The following NDUFS7 variants were observed in gnomAD, a reference collection of about 807,000 sequenced individuals.
NDUFS7 encodes NADH dehydrogenase [ubiquinone] iron-sulfur protein 7, mitochondrial.
NDUFS7 carries 11 observed loss-of-function variants against 31.1 expected under a neutral mutation model. The ratio of observed to expected loss-of-function variants is 0.35; its 90% CI spans 0.22 to 0.59. The LOEUF (loss-of-function observed/expected upper bound fraction) is 0.59, where lower values mean the gene tolerates loss of function less well. Ranked by LOEUF, NDUFS7 falls within the 20% of genes least tolerant of loss-of-function variation. The pLI is 0.79. For missense variants in NDUFS7, 263 were observed against 324.2 expected (o/e 0.81, Z 1.45); for synonymous variants, 136 against 127.9 (o/e 1.06, Z -0.43).
Position 1,395,179 on chromosome 19 carries a change from T to G in NDUFS7, c.545-212T>G, listed in dbSNP as rs1568999456. 12 of 1,419,162 alleles carry G rather than the reference T, an allele frequency of 8.5e-6. No individual in the cohort carries two copies. The South Asian group carries it at 1.2e-4, about 14-fold the overall frequency. The allele number at this position is 1,419,162 out of a possible 1,614,324, so 87.9% of individuals were successfully genotyped here. A position where few individuals can be genotyped will look rare whatever the true frequency, so the allele number is the denominator to read the frequency against. On this transcript the variant is annotated intron_variant, in intron 7 of 7. Coordinates refer to ENST00000233627, the MANE Select transcript of NDUFS7 (RefSeq NM_024407.5). The stretch of plus-strand genomic sequence containing the variant: ...GGGATGAGCCACGGGTGGAGGGCAG[T>G]GGGGCCTTGCCCAGGGGAGGACCCC...
chr19:1,389,381 A>G (rs1197970161), intron 4 of NDUFS7: 1 of 464,620 alleles, frequency 2.2e-6, no homozygotes, highest in Admixed American at 2.3e-5. Context: ...GCCTGTTGGC[A>G]TGCATGCACA....
At chr19:1,384,062 T>C in intron 1 of NDUFS7, 120 bp downstream of exon 1, 10 of 1,139,994 alleles carry the variant, frequency 8.8e-6, no homozygotes, top group Non-Finnish European at 1.2e-5. Flanking sequence ...TCTCCGGGCT[T>C]CTCCGAGCCG....
At chr19:1,389,439 G>A (rs1266677758) in intron 4 of NDUFS7, 4 of 458,094 alleles carry the variant, frequency 8.7e-6, no homozygotes, top group East Asian at 1.4e-4. Flanking sequence ...GTGGAGCAGG[G>A]CGGACCCTCC....
chr19:1,389,178 T>C (rs541983777), intron 4 of NDUFS7: 8 of 693,172 alleles, frequency 1.2e-5, no homozygotes, highest in East Asian at 8.2e-5. Flanking sequence ...TGCACACACA[T>C]GCACACACAA....
chr19:1,394,936 G>C (rs918787546), intron 7 of NDUFS7: 7 of 1,117,278 alleles, frequency 6.3e-6, no homozygotes, highest in Admixed American at 9.5e-5. Flanking sequence ...CTCAGAAAGA[G>C]GGTCATCGGG....
At chr19:1,391,486 CTT>C (rs11287297) in intron 6 of NDUFS7, among the ~76,000 whole-genome samples, 56,005 of 122,106 alleles carry the variant, frequency 0.46, 10,538 homozygotes, top group Middle Eastern at 0.58. Context: ...AGTTTTTTTT[CTT>C]TTTTTTTTTT....
At chr19:1,388,774 C>CCACCT (rs1242344633) in intron 3 of NDUFS7, 59 bp from the exon 4 acceptor site, 1 of 1,524,610 alleles carries the variant, frequency 6.6e-7, no homozygotes, top group Non-Finnish European at 8.9e-7. Flanking sequence ...GGCTCGCATC[C>CCACCT]GCCTCTGGGA....
intron 1 of NDUFS7, among the ~76,000 whole-genome samples, chr19:1,385,252 C>T (rs1387029756): frequency 6.6e-6 from 1 of 152,184 alleles, no homozygotes. Flanking sequence ...CGGTGGCTCA[C>T]GCCTGTAATC....
chr19:1,389,499 G>A (rs1314340758), intron 4 of NDUFS7: 6 of 457,274 alleles, frequency 1.3e-5, no homozygotes, highest in African/African-American at 1.0e-4. Flanking sequence ...CTGAGGATTC[G>A]GACCCTGCTG....
At chr19:1,385,981 C>G (rs561771633) in intron 1 of NDUFS7, among the ~76,000 whole-genome samples, 7 of 152,340 alleles carry the variant, frequency 4.6e-5, no homozygotes, top group Non-Finnish European at 8.8e-5. Flanking sequence ...CCACCAGAGC[C>G]TGGGGCTGGG....
intron 4 of NDUFS7, 199 bp downstream of exon 4, chr19:1,389,137 G>A: frequency 1.4e-6 from 1 of 703,814 alleles, no homozygotes; most frequent in East Asian, 2.7e-5. Flanking sequence ...CGCACACAAT[G>A]CACATATGCA....
chr19:1,384,788 C>T (rs2082496715), intron 1 of NDUFS7, among the ~76,000 whole-genome samples: 1 of 152,144 alleles, frequency 6.6e-6, no homozygotes, highest in Admixed American at 6.5e-5. Context: ...CTAATACTGC[C>T]GTATTTTGTT....
intron 1 of NDUFS7, 42 bp downstream of exon 1, chr19:1,383,984 T>TC: frequency 6.5e-7 from 1 of 1,543,818 alleles, no homozygotes; most frequent in South Asian, 1.2e-5. Context: ...CGCGCGGGTC[T>TC]GGGGCCGTGG....
At chr19:1,384,115 C>T (rs1371944696) in intron 1 of NDUFS7, 173 bp downstream of exon 1, 2 of 691,510 alleles carry the variant, frequency 2.9e-6, no homozygotes, top group Admixed American at 7.8e-5. Flanking sequence ...TGAACGGTCG[C>T]CGTTATTGCG....
chr19:1,384,101 G>T, intron 1 of NDUFS7, 159 bp downstream of exon 1: 1 of 775,052 alleles, frequency 1.3e-6, no homozygotes, highest in Non-Finnish European at 1.9e-6. Flanking sequence ...CGCCCGGCTT[G>T]CGATGAACGG....
chr19:1,384,350 G>GGGAAGGAACAGGACCCAGGACATCCAC (rs2082494057), intron 1 of NDUFS7, among the ~76,000 whole-genome samples: 1 of 152,184 alleles, frequency 6.6e-6, no homozygotes, highest in African/African-American at 2.4e-5. Flanking sequence ...GGCCGGGCCT[G>GGGAAGGAACAGGACCCAGGACATCCAC]GGAAGGAACA....
At chr19:1,390,836 G>A (rs759313455) in intron 4 of NDUFS7, 35 bp from the exon 5 acceptor site, 93 of 1,598,664 alleles carry the variant, frequency 5.8e-5, no homozygotes, top group Admixed American at 1.8e-4. Flanking sequence ...GCGGGGCTCC[G>A]GGGGTGGCGT....
chr19:1,392,498 CCT>C (rs1043546819), intron 6 of NDUFS7: 19 of 152,454 alleles, frequency 1.2e-4, no homozygotes, highest in African/African-American at 3.4e-4. Flanking sequence ...ACCTCCCCTC[CCT>C]GTCTCTGTGG....
At chr19:1,389,170 C>T (rs1568989585) in intron 4 of NDUFS7, 5 of 693,898 alleles carry the variant, frequency 7.2e-6, no homozygotes, top group Non-Finnish European at 1.3e-5. Flanking sequence ...TGCACACTTG[C>T]ACACACATGC....
Sources: gnomAD v4.1 joint callset for allele counts (sites outside exome capture counted in the v4.1 genomes callset) on GRCh38, gnomAD v4.1.1 for gene constraint, MANE v1.5 for transcripts, NCBI Gene and HGNC (gene_info 2026-07-23, HGNC 2026-07-21) for gene names.